RTL4: variants seen among roughly 807,000 people sequenced by gnomAD.
The protein encoded by RTL4 is retrotransposon Gag like 4.
A neutral mutation model predicts 5.3 loss-of-function variants in RTL4; 4 were observed. The observed-to-expected ratio is 0.75, with a 90% CI of 0.37 to 1.72. The LOEUF (loss-of-function observed/expected upper bound fraction) is 1.72. RTL4 is among the 40% of genes most tolerant of loss of function. The probability of loss-of-function intolerance (pLI) is 0.04; values close to 1 mark genes in which losing one functional copy is unlikely to be tolerated. For synonymous variants in RTL4, 98 were observed against 87.3 expected, an observed-to-expected ratio of 1.12 and a Z score of -0.68; for missense variants, 260 against 227.1, an observed-to-expected ratio of 1.14 and a Z score of -0.93.
chrX:112,249,167 A>C, the RTL4 span, among the ~76,000 whole-genome samples: 3 of 112,390 alleles, frequency 2.7e-5, no homozygotes, highest in African/African-American at 9.7e-5. Context: ...ATTTTTTCAC[A>C]TTCCCAACAT....
the RTL4 span, among the ~76,000 whole-genome samples, chrX:112,201,455 C>T: frequency 9.0e-6 from 1 of 111,056 alleles, no homozygotes; most frequent in Admixed American, 9.6e-5. Context: ...GTGGAATTCT[C>T]TTCCACTCAC....
chrX:112,447,637 A>C, the RTL4 span, among the ~76,000 whole-genome samples: 8 of 112,319 alleles, frequency 7.1e-5, no homozygotes, highest in African/African-American at 1.9e-4. Context: ...TGTTGAATAC[A>C]TGCCTTGCCT....
At chrX:112,215,929 G>T in the RTL4 span, among the ~76,000 whole-genome samples, 1 of 111,547 alleles carries the variant, frequency 9.0e-6, no homozygotes, top group African/African-American at 3.3e-5. Context: ...ATGCACAGGG[G>T]TTCTAATTTC....
chrX:112,421,070 A>G, the RTL4 span, among the ~76,000 whole-genome samples: 1 of 111,360 alleles, frequency 9.0e-6, no homozygotes, highest in African/African-American at 3.3e-5. Context: ...GTTAAGTGCC[A>G]TACTAGCATT....
At chrX:112,427,874 G>A in the RTL4 span, among the ~76,000 whole-genome samples, 6 of 110,002 alleles carry the variant, frequency 5.5e-5, no homozygotes, top group South Asian at 3.9e-4. Context: ...CCTATCACCC[G>A]AGCAGTGTAT....
the RTL4 span, among the ~76,000 whole-genome samples, chrX:112,242,773 C>T: frequency 9.7e-3 from 1,080 of 111,451 alleles, 10 homozygotes; most frequent in Middle Eastern, 0.028. Flanking sequence ...TGTCTTGTAC[C>T]GGTTTTCAAA....
chrX:112,210,461 T>A, the RTL4 span, among the ~76,000 whole-genome samples: 4 of 112,656 alleles, frequency 3.6e-5, no homozygotes, highest in South Asian at 3.7e-4. Context: ...TGGCAGGTTC[T>A]GTATGACTTT....
the RTL4 span, among the ~76,000 whole-genome samples, chrX:112,326,840 C>T: frequency 9.0e-6 from 1 of 111,689 alleles, no homozygotes; most frequent in East Asian, 2.9e-4. Context: ...TCAAGTGGGT[C>T]CCTGACCCCT....
chrX:112,186,681 A>G, the RTL4 span, among the ~76,000 whole-genome samples: 2 of 112,097 alleles, frequency 1.8e-5, no homozygotes, highest in South Asian at 7.5e-4. Context: ...GGGAAATTGA[A>G]TGCTGGGATG....
chrX:112,183,785 C>T, the RTL4 span, among the ~76,000 whole-genome samples: 1 of 111,663 alleles, frequency 9.0e-6, no homozygotes, highest in Non-Finnish European at 1.9e-5. Context: ...GCACATTCTG[C>T]ACATGTATCC....
At chrX:112,161,798 TTCCTTCCTTCCTTCCTTCCTTCC>T in the RTL4 span, among the ~76,000 whole-genome samples, 48 of 33,342 alleles carry the variant, frequency 1.4e-3, no homozygotes, top group African/African-American at 5.8e-3. Context: ...TCTTCCTTCC[TTCCTTCCTTCCTTCCTTCCTTCC>T]TTCCTTCCTT....
the RTL4 span, among the ~76,000 whole-genome samples, chrX:112,138,324 G>A: frequency 8.9e-6 from 1 of 112,133 alleles, no homozygotes; most frequent in African/African-American, 3.2e-5. Flanking sequence ...GATATCTACT[G>A]TATAGCATAG....
the RTL4 span, among the ~76,000 whole-genome samples, chrX:112,286,756 C>T: frequency 9.0e-6 from 1 of 111,566 alleles, no homozygotes; most frequent in East Asian, 2.8e-4. Flanking sequence ...GAGTCTATTG[C>T]TTCTCCCCAC....
the RTL4 span, among the ~76,000 whole-genome samples, chrX:112,179,257 G>T: frequency 2.7e-5 from 3 of 110,959 alleles, no homozygotes; most frequent in African/African-American, 9.9e-5. Context: ...GAAGGGTGGG[G>T]GTCTAGAGGG....
the RTL4 span, among the ~76,000 whole-genome samples, chrX:112,164,445 A>C: frequency 3.1e-4 from 35 of 112,089 alleles, no homozygotes; most frequent in Non-Finnish European, 1.5e-4. Context: ...AGTATTAGGT[A>C]AGCCAAATCT....
chrX:112,337,200 G>A, the RTL4 span, among the ~76,000 whole-genome samples: 3 of 111,739 alleles, frequency 2.7e-5, no homozygotes, highest in African/African-American at 9.7e-5. Context: ...CTATCCTAAT[G>A]TACATATACC....
At chrX:112,435,225 T>C in the RTL4 span, among the ~76,000 whole-genome samples, 9 of 111,340 alleles carry the variant, frequency 8.1e-5, no homozygotes, top group Non-Finnish European at 1.5e-4. Context: ...ACACTAATAT[T>C]AGTCCACCAC....
At chrX:112,332,461 G>A in the RTL4 span, among the ~76,000 whole-genome samples, 1 of 111,047 alleles carries the variant, frequency 9.0e-6, no homozygotes, top group Non-Finnish European at 1.9e-5. Flanking sequence ...ACTGGATTAA[G>A]AAAATGTGGC....
chrX:112,179,413 T>C, the RTL4 span, among the ~76,000 whole-genome samples: 2 of 111,767 alleles, frequency 1.8e-5, no homozygotes, highest in African/African-American at 6.5e-5. Context: ...GGTACTTGTG[T>C]ATGCAAAAAT....
Sources: allele counts gnomAD v4.1 joint callset (sites outside exome capture counted in the v4.1 genomes callset), GRCh38; gene constraint gnomAD v4.1.1; transcripts MANE v1.5; gene names NCBI Gene and HGNC (gene_info 2026-07-23, HGNC 2026-07-21).